NHSL1: variants seen among roughly 807,000 people sequenced by gnomAD.
The protein encoded by NHSL1 is NHS-like protein 1.
Under a neutral mutation model 95.0 loss-of-function variants are expected in NHSL1, and 48 were observed. The ratio of observed to expected loss-of-function variants is 0.51; its 90% CI spans 0.40 to 0.64. NHSL1 has a LOEUF of 0.64. Ranked by LOEUF, NHSL1 falls within the 30% of genes least tolerant of loss-of-function variation. The probability of loss-of-function intolerance (pLI) is 0.00; values close to 1 mark genes in which losing one functional copy is unlikely to be tolerated. For synonymous variants in NHSL1, 783 were observed against 833.9 expected (o/e 0.94, Z 1.05); for missense variants, 1,971 against 2,077.7 (o/e 0.95, Z 1.00).
chr6:138,637,665 T>C (rs1784904973), intron 1 of NHSL1, among the ~76,000 whole-genome samples: 1 of 152,132 alleles, frequency 6.6e-6, no homozygotes, highest in Admixed American at 6.5e-5. Flanking sequence ...CACCAATCAA[T>C]ACTACAATGA....
At chr6:138,442,386 A>G (rs930570347) in intron 4 of NHSL1, among the ~76,000 whole-genome samples, 4 of 152,202 alleles carry the variant, frequency 2.6e-5, no homozygotes, top group African/African-American at 9.7e-5. Flanking sequence ...ACACTGGAAG[A>G]GTCACTCTGT....
intron 1 of NHSL1, among the ~76,000 whole-genome samples, chr6:138,681,559 G>A (rs963128092): frequency 1.3e-5 from 2 of 152,208 alleles, no homozygotes; most frequent in Admixed American, 1.3e-4. Context: ...GGAATATCCT[G>A]GGAGAAGCAG....
At chr6:138,486,561 A>G (rs1025861494) in intron 2 of NHSL1, among the ~76,000 whole-genome samples, 12 of 151,978 alleles carry the variant, frequency 7.9e-5, no homozygotes, top group Non-Finnish European at 1.3e-4. Context: ...CCAGTGCCCT[A>G]AAGTAAAGCT....
intron 1 of NHSL1, among the ~76,000 whole-genome samples, chr6:138,564,996 G>C (rs372781009): frequency 6.6e-6 from 1 of 152,232 alleles, no homozygotes; most frequent in Admixed American, 6.5e-5. Context: ...CTGCAGGGGA[G>C]AGGACGGAGG....
intron 1 of NHSL1, among the ~76,000 whole-genome samples, chr6:138,655,255 A>C (rs1035446756): frequency 6.6e-6 from 1 of 152,254 alleles, no homozygotes; most frequent in African/African-American, 2.4e-5. Flanking sequence ...AAATTAAACA[A>C]TAACACTACC....
At chr6:138,586,356 A>G (rs1280201882) in intron 1 of NHSL1, among the ~76,000 whole-genome samples, 1 of 152,182 alleles carries the variant, frequency 6.6e-6, no homozygotes, top group East Asian at 1.9e-4. Context: ...TGGCCTCCCA[A>G]AGAGCTGGGA....
Position 138,432,509 on chromosome 6 carries a change from G to A in NHSL1, c.1836C>T (p.His612=), listed in dbSNP as rs1377191062. 5 of 1,552,102 alleles carry A rather than the reference G, an allele frequency of 3.2e-6. No homozygotes were observed. The highest frequency in any genetic ancestry group is 4.4e-6 in the Non-Finnish European group (5 of 1,147,062). ...TCCCAGATCCATGTCCAGAGTCAGT[G>A]TGCACAGATGCACAGTAGCCATCGT... ...EDHDGYCASV[H]TDSGHGSGNL... Residue 612 remains histidine, a synonymous_variant, in exon 6 of 8, where the codon CAC becomes CAT. Transcript: ENST00000343505. The surrounding 1 kb of genome is among the most constrained non-coding windows in gnomAD (Gnocchi z 4.4).
At chr6:138,505,525 C>T (rs1426939761) in intron 1 of NHSL1, among the ~76,000 whole-genome samples, 1 of 151,634 alleles carries the variant, frequency 6.6e-6, no homozygotes, top group Non-Finnish European at 1.5e-5. Context: ...TGTGGTGGCA[C>T]GTGCCTGTAG....
intron 3 of NHSL1, among the ~76,000 whole-genome samples, chr6:138,465,969 C>A (rs558809266): frequency 6.6e-6 from 1 of 151,396 alleles, no homozygotes; most frequent in South Asian, 2.1e-4. Context: ...GGTGATACAC[C>A]CACCTCGGAC....
chr6:138,601,343 A>G (rs965565064), intron 1 of NHSL1, among the ~76,000 whole-genome samples: 1 of 152,234 alleles, frequency 6.6e-6, no homozygotes, highest in Non-Finnish European at 1.5e-5. Flanking sequence ...AATGTAAAAC[A>G]CTGCTGGCAA....
At chr6:138,447,803 T>G (rs1197901075) in intron 3 of NHSL1, among the ~76,000 whole-genome samples, 2 of 152,156 alleles carry the variant, frequency 1.3e-5, no homozygotes, top group African/African-American at 4.8e-5. Context: ...GTTCGTGGGT[T>G]TAGTTTAACA....
Position 138,431,964 on chromosome 6 carries a change from C to T in NHSL1, c.2381G>A (p.Gly794Glu), listed in dbSNP as rs1775709473. The change falls in exon 6 of 8, where the codon GGG becomes GAG. Residue 794 changes from glycine to glutamate, a missense_variant. Transcript: ENST00000343505. This position sits in a 1 kb window ranked among gnomAD's most constrained non-coding sequence, Gnocchi z 4.0. The part of the protein sequence containing the change: ...IDYTGMQEDP[G>E]NPAGGCSTSS... ...GGTTGAACAGCCCCCTGCCGGGTTC[C>T]CCGGATCTTCCTGCATGCCCGTGTA... The T allele has an allele frequency of 2.6e-6, 4 of 1,551,748 alleles. No individual in the cohort carries two copies. Among genetic ancestry groups the T allele is most frequent in the African/African-American group, 1.4e-5 (1 of 73,182 alleles).
upstream of NHSL1, among the ~76,000 whole-genome samples, chr6:138,577,505 G>C (rs767266560): frequency 3.3e-5 from 5 of 152,160 alleles, no homozygotes; most frequent in Non-Finnish European, 7.4e-5. Context: ...CTGGGAGTGA[G>C]GTGCATAAAC....
In NHSL1 at chr6:138,424,352, A is replaced by G. The variant is rs770131565; in HGVS notation, c.4550T>C (p.Ile1517Thr). ...GATGACGGTCATGGGGCTGCTCTGG[A>G]TCCGGTTCCGCATGCTGTACCTGCT... ...ASSRYSMRNR[I>T]QSSPMTVISE... The change falls in exon 8 of 8, where the codon ATC (isoleucine) becomes ACC (threonine). Residue 1517 changes from isoleucine to threonine, a missense_variant. Transcript: ENST00000343505. The surrounding 1 kb of genome is among the most constrained non-coding windows in gnomAD (Gnocchi z 5.9). The G allele has an allele frequency of 5.8e-6, 9 of 1,546,120 alleles. No homozygotes were observed. The South Asian group carries it at 1.1e-4, about 18-fold the overall frequency.
chr6:138,487,665 T>C (rs1229385826), intron 2 of NHSL1, among the ~76,000 whole-genome samples: 1 of 152,192 alleles, frequency 6.6e-6, no homozygotes, highest in East Asian at 1.9e-4. Flanking sequence ...AAATCATAAA[T>C]TGTTTTTCAG....
intron 2 of NHSL1, among the ~76,000 whole-genome samples, chr6:138,485,433 T>C (rs1562317515): frequency 6.9e-6 from 1 of 144,080 alleles, no homozygotes; most frequent in Non-Finnish European, 1.5e-5. Context: ...ATCTTTTCTG[T>C]GTTGCTTACC....
intron 1 of NHSL1, among the ~76,000 whole-genome samples, chr6:138,560,960 A>T (rs1164270354): frequency 1.3e-5 from 2 of 152,190 alleles, no homozygotes; most frequent in African/African-American, 4.8e-5. Context: ...GAAAAGACAA[A>T]ACTCAAGTGA....
intron 1 of NHSL1, among the ~76,000 whole-genome samples, chr6:138,529,743 A>G (rs957401164): frequency 2.0e-5 from 3 of 152,084 alleles, no homozygotes; most frequent in Non-Finnish European, 4.4e-5. Flanking sequence ...GAATCTCTCA[A>G]CTTCCGCTCT....
At chr6:138,655,715 GTAC>G (rs997176808) in intron 1 of NHSL1, among the ~76,000 whole-genome samples, 4 of 152,132 alleles carry the variant, frequency 2.6e-5, no homozygotes, top group Admixed American at 2.6e-4. Context: ...GCCACATGAA[GTAC>G]TACCACTTTG....
Sources: gnomAD v4.1 joint callset for allele counts (sites outside exome capture counted in the v4.1 genomes callset) on GRCh38, gnomAD v4.1.1 for gene constraint, Gnocchi (gnomAD v3.1) non-coding constraint, MANE v1.5 for transcripts, NCBI Gene and HGNC (gene_info 2026-07-23, HGNC 2026-07-21) for gene names.